The following HK3 variants were observed in gnomAD, a reference collection of about 807,000 sequenced individuals.
The protein encoded by HK3 is hexokinase 3.
Under a neutral mutation model 91.0 loss-of-function variants are expected in HK3, and 93 were observed. The ratio of observed to expected loss-of-function variants is 1.02; its 90% confidence interval spans 0.86 to 1.21. The LOEUF (loss-of-function observed/expected upper bound fraction) is 1.21. HK3 is among the 50% of genes most tolerant of loss of function. The probability of loss-of-function intolerance (pLI) is 0.00; values close to 1 mark genes in which losing one functional copy is unlikely to be tolerated. For missense variants in HK3, 1,235 were observed against 1,247.4 expected (o/e 0.99, Z 0.15); for synonymous variants, 519 against 516.9 (o/e 1.00, Z -0.06).
At chr5:176,888,591 G>A (rs1561681820) in intron 9 of HK3, 26 bp from the exon 10 acceptor site, 4 of 1,594,030 alleles carry the variant, frequency 2.5e-6, no homozygotes, top group Admixed American at 1.7e-5. Context: ...AAGTGGTTTG[G>A]GGCTCAGCCC....
chr5:176,891,571 A>C (rs1581301412), intron 2 of HK3, 21 bp from the exon 3 acceptor site: 5 of 1,601,982 alleles, frequency 3.1e-6, no homozygotes, highest in Non-Finnish European at 4.3e-6. Flanking sequence ...ACAGGCCAAC[A>C]TCTGGGAAGG....
chr5:176,889,330 C>T (rs1352409794), intron 8 of HK3, 51 bp downstream of exon 8: 3 of 1,564,550 alleles, frequency 1.9e-6, no homozygotes, highest in African/African-American at 1.4e-5. Context: ...GGGAGCAGAG[C>T]AGTCATAGAC....
In HK3 at chr5:176,884,285, GC is replaced by G. The variant is rs1354194507; in HGVS notation, c.1858-152del. 10 of 681,976 alleles carry G rather than the reference GC, an allele frequency of 1.5e-5. No homozygotes were observed. The highest frequency in any genetic ancestry group is 3.3e-4 in the Middle Eastern group (1 of 3,076). The allele number at this position is 681,976 out of a possible 1,614,324, so 42.2% of individuals were successfully genotyped here. A position where few individuals can be genotyped will look rare whatever the true frequency, so the allele number is the denominator to read the frequency against. The stretch of plus-strand genomic sequence containing the variant: ...ACTTTGCTGTATGGTTGAAGGCCTT[GC>G]CCTCTGCCCGCTCCCTACTCCCCAG... On this transcript the variant is annotated intron_variant, in intron 13 of 18. Transcript: ENST00000292432. This position sits in a 1 kb window ranked among gnomAD's most constrained non-coding sequence, Gnocchi z 4.1.
At chr5:176,886,487 G>A (rs1052532732) in intron 13 of HK3, among the ~76,000 whole-genome samples, 7 of 151,878 alleles carry the variant, frequency 4.6e-5, no homozygotes, top group Middle Eastern at 3.2e-3. Flanking sequence ...ACAGGCTTCC[G>A]GTGTGCACAT....
chr5:176,888,870 G>C lies in HK3; in HGVS notation c.915-6C>G, dbSNP rs566101556. On this transcript the variant is annotated splice_region_variant and splice_polypyrimidine_tract_variant and intron_variant, in intron 8 of 18. Coordinates refer to ENST00000292432, the MANE Select transcript of HK3 (RefSeq NM_002115.3). ...CTCCGATCATCTTCTCAAACCTGCA[G>C]GGGGGAAGGGTGGCTGGAGGAAGCC... 227 of 1,609,702 alleles carry C rather than the reference G, an allele frequency of 1.4e-4. 1 individual carries two copies. Among genetic ancestry groups the C allele is most frequent in the South Asian group, 8.5e-4 (77 of 90,980 alleles).
Position 176,891,187 on chromosome 5 carries a change from T to C in HK3, c.264A>G (p.Gln88=). Reference sequence around the variant, plus strand: ...CCAGCTCCAGCACCACGAAGTCTCCTTGCTCTGGAGGGCAAGCAGGTCACA... The same window carrying C: ...CCAGCTCCAGCACCACGAAGTCTCCCTGCTCTGGAGGGCAAGCAGGTCACA... ...YVGSTPHGTE[Q]GDFVVLELGA... is the part of the protein sequence containing the mutation. Residue 88 remains glutamine (Q), a synonymous_variant, in exon 4 of 19, where the codon CAA becomes CAG. Coordinates refer to ENST00000292432, the MANE Select transcript of HK3 (RefSeq NM_002115.3). The C allele has an allele frequency of 4.3e-6, 7 of 1,614,078 alleles. No homozygotes were observed. Among genetic ancestry groups the C allele is most frequent in the Non-Finnish European group, 5.9e-6 (7 of 1,180,030 alleles).
intron 1 of HK3, among the ~76,000 whole-genome samples, chr5:176,896,869 C>CA (rs1325297021): frequency 2.0e-5 from 3 of 152,070 alleles, no homozygotes; most frequent in African/African-American, 7.3e-5. Context: ...TCTACCCTCA[C>CA]AAGGTTGTTG....
At position 176,891,158 on chromosome 5, in the gene HK3, G is replaced by A. The variant is rs1311145935; in HGVS notation, c.293C>T (p.Ala98Val). Residue 98 changes from alanine (A) to valine (V), a missense_variant, in exon 4 of 19, where the codon GCC becomes GTC. By Grantham distance (64) the Ala-to-Val change is moderately conservative (BLOSUM62 0). Transcript: ENST00000292432. ...CAAAACACGCAGTGAGGCCCCTGTGGCCCCCAGCTCCAGCACCACGAAGTC... is the reference window on the plus strand; with the variant it reads ...CAAAACACGCAGTGAGGCCCCTGTGACCCCCAGCTCCAGCACCACGAAGTC... Reference protein sequence around the residue: ...QGDFVVLELGATGASLRVLWV... With the variant: ...QGDFVVLELGVTGASLRVLWV... 6.2e-7 allele frequency: 1 copy of A among 1,614,126 alleles called. No homozygotes were observed. The highest frequency in any genetic ancestry group is 8.5e-7 in the Non-Finnish European group (1 of 1,180,042).
Position 176,883,803 on chromosome 5 carries a change from C to T in HK3, c.2020G>A (p.Glu674Lys). The change falls in exon 15 of 19, where the codon GAG becomes AAG. Residue 674 changes from glutamate (E) to lysine (K), a missense_variant. Transcript: ENST00000292432. ...TVGTMMSCGYEDPRCEIGLIV... is the reference protein window; with the variant it reads ...TVGTMMSCGYKDPRCEIGLIV... ...AGGCCTATCTCGCAACGGGGGTCCT[C>T]ATAGCCACAGGACATCATGGTCCCC... is the stretch of plus-strand genomic sequence containing the variant. 1 of 1,614,090 alleles carries T rather than the reference C, an allele frequency of 6.2e-7. No homozygotes were observed.
rs762139619 is a variant in HK3 at position 176,891,080 on chromosome 5, T to C, written c.371A>G (p.Glu124Gly). 5 of 1,613,880 alleles carry C rather than the reference T, an allele frequency of 3.1e-6. No homozygotes were observed. Among genetic ancestry groups the C allele is most frequent in the Non-Finnish European group, 4.2e-6 (5 of 1,180,026 alleles). Reference sequence around the variant, plus strand: ...CATCACCTCTTGGGGGATCACAAACTCCTGGCTTCTGGGCTCCACCCTATG... The same window carrying C: ...CATCACCTCTTGGGGGATCACAAACCCCTGGCTTCTGGGCTCCACCCTATG... ...EGHRVEPRSQ[E>G]FVIPQEVMLG... Residue 124 changes from glutamate to glycine, a missense_variant, in exon 4 of 19, where the codon GAG becomes GGG. Glu to Gly is a moderately conservative substitution (Grantham distance 98, BLOSUM62 -2). This residue lies in a region of HK3 where 717 missense variants were observed against 751.6 expected (regional missense o/e 0.95). Coordinates refer to ENST00000292432, the MANE Select transcript of HK3 (RefSeq NM_002115.3).
intron 1 of HK3, among the ~76,000 whole-genome samples, chr5:176,898,494 C>T (rs1008472552): frequency 7.3e-5 from 11 of 150,108 alleles, no homozygotes; most frequent in African/African-American, 2.3e-4. Context: ...GGGCTACACA[C>T]GTGTCTTTCT....
At chr5:176,888,600 C>G (rs532441950) in intron 9 of HK3, 35 bp from the exon 10 acceptor site, 2 of 1,601,564 alleles carry the variant, frequency 1.2e-6, no homozygotes, top group South Asian at 2.2e-5. Flanking sequence ...GGGGCTCAGC[C>G]CAGAAGCTCC....
chr5:176,890,523 G>C, intron 6 of HK3, 112 bp downstream of exon 6: 1 of 861,494 alleles, frequency 1.2e-6, no homozygotes, highest in Non-Finnish European at 1.9e-6. Context: ...AAACTGGATG[G>C]AGGACATGAA....
At chr5:176,889,615 A>G (rs1419333878) in intron 7 of HK3, 30 bp downstream of exon 7, 1 of 1,613,852 alleles carries the variant, frequency 6.2e-7, no homozygotes, top group Non-Finnish European at 8.5e-7. Flanking sequence ...CACACCCTCC[A>G]CCTGTCATCA....
intron 1 of HK3, among the ~76,000 whole-genome samples, chr5:176,898,447 T>TGA (rs1392359630): frequency 1.3e-5 from 2 of 152,182 alleles, no homozygotes; most frequent in Non-Finnish European, 2.9e-5. Context: ...AAGGATAAAA[T>TGA]GAGGTAACTG....
At position 176,884,170 on chromosome 5, in the gene HK3, G is replaced by A. The variant is rs1561678010; in HGVS notation, c.1858-36C>T. 1 of 1,569,054 alleles carries A rather than the reference G, an allele frequency of 6.4e-7. No individual in the cohort carries two copies. The highest frequency in any genetic ancestry group is 8.8e-7 in the Non-Finnish European group (1 of 1,139,104). On this transcript the variant is annotated intron_variant, in intron 13 of 18. Transcript: ENST00000292432. This position sits in a 1 kb window ranked among gnomAD's most constrained non-coding sequence, Gnocchi z 4.1. ...ACCGAGAGGAAGTGGCAGGAAGCTGGAGGCCCCTTCAGGCTCACTCTGCCT... is the reference window on the plus strand; with the variant it reads ...ACCGAGAGGAAGTGGCAGGAAGCTGAAGGCCCCTTCAGGCTCACTCTGCCT...
chr5:176,889,340 C>T, intron 8 of HK3, 41 bp downstream of exon 8: 2 of 1,594,870 alleles, frequency 1.3e-6, no homozygotes, highest in Non-Finnish European at 1.7e-6. Context: ...CAGTCATAGA[C>T]AGGGCCTGGA....
chr5:176,886,954 G>A (rs114127988), intron 13 of HK3, 48 bp downstream of exon 13: 30,445 of 1,609,704 alleles, frequency 0.019, 327 homozygotes, highest in Non-Finnish European at 0.021. Context: ...TGAAGGGTAT[G>A]TGGGGGCAGG....
intron 5 of HK3, 41 bp from the exon 6 acceptor site, chr5:176,890,771 A>G (rs762768128): frequency 6.2e-7 from 1 of 1,614,096 alleles, no homozygotes; most frequent in Non-Finnish European, 8.5e-7. Flanking sequence ...GACGGCCTTC[A>G]TGGGGCTGCA....
Sources: allele counts gnomAD v4.1 joint callset (sites outside exome capture counted in the v4.1 genomes callset), GRCh38; gene constraint gnomAD v4.1.1; regional missense constraint gnomAD v4.1.1; non-coding constraint Gnocchi (gnomAD v3.1); transcripts MANE v1.5; gene names NCBI Gene and HGNC (gene_info 2026-07-23, HGNC 2026-07-21).